The following SELENOO variants were observed in gnomAD, a reference collection of about 807,000 sequenced individuals.
SELENOO encodes protein adenylyltransferase SelO, mitochondrial.
Under a neutral mutation model 58.7 loss-of-function variants are expected in SELENOO, and 74 were observed. The ratio of observed to expected loss-of-function variants is 1.26; its 90% CI spans 1.04 to 1.53. SELENOO has a LOEUF of 1.53. SELENOO is among the 40% of genes most tolerant of loss of function. The pLI, the probability that SELENOO is intolerant of heterozygous loss-of-function variation, is 0.00. For synonymous variants in SELENOO, 543 were observed against 453.2 expected (o/e 1.20, Z -2.52); for missense variants, 1,149 against 970.0 (o/e 1.18, Z -2.45).
intron 5 of SELENOO, among the ~76,000 whole-genome samples, chr22:50,214,866 C>T (rs946063550): frequency 7.2e-5 from 11 of 152,322 alleles, no homozygotes; most frequent in Admixed American, 2.6e-4. Context: ...CCAGCCTGTT[C>T]GTGTCTTTGA....
chr22:50,216,017 G>A (rs2064407210), intron 6 of SELENOO, 150 bp downstream of exon 6: 1 of 651,740 alleles, frequency 1.5e-6, no homozygotes, highest in Non-Finnish European at 2.6e-6. Flanking sequence ...GGGCTTCAGG[G>A]CATCTCTGCG....
chr22:50,203,152 T>C (rs111929444), intron 1 of SELENOO, among the ~76,000 whole-genome samples: 6 of 152,284 alleles, frequency 3.9e-5, no homozygotes, highest in African/African-American at 1.4e-4. Context: ...GGCAGGAGGA[T>C]TGCTTAAGGC....
chr22:50,206,345 T>G lies in SELENOO; in HGVS notation c.583T>G (p.Ser195Ala). Residue 195 changes from serine (S) to alanine (A), a missense_variant, in exon 2 of 9, where the codon TCA (serine) becomes GCA (alanine). Physicochemically the swap from Ser to Ala is moderately conservative, Grantham distance 99. Coordinates refer to ENST00000380903, the MANE Select transcript of SELENOO (RefSeq NM_031454.2). ...GGCCGACGGTCGCAAGGTCCTACGG[T>G]CAAGCATCCGGGAGTTTCTATGCAG... ...RQADGRKVLRSSIREFLCSEA... is the reference protein window; with the variant it reads ...RQADGRKVLRASIREFLCSEA... 1 of 1,613,884 alleles carries G rather than the reference T, an allele frequency of 6.2e-7. No homozygotes were observed. Among genetic ancestry groups the G allele is most frequent in the Non-Finnish European group, 8.5e-7 (1 of 1,180,000 alleles).
intron 6 of SELENOO, among the ~76,000 whole-genome samples, chr22:50,216,295 C>T (rs1269707186): frequency 2.0e-5 from 3 of 152,222 alleles, no homozygotes; most frequent in South Asian, 2.1e-4. Flanking sequence ...CTGGGAGCAC[C>T]GGCCAGCAGG....
chr22:50,216,482 A>C (rs1449432522), intron 6 of SELENOO, among the ~76,000 whole-genome samples: 2 of 152,222 alleles, frequency 1.3e-5, no homozygotes, highest in Non-Finnish European at 2.9e-5. Context: ...TCGGCCCACA[A>C]AGGGCCTTGG....
rs184139976 is a variant in SELENOO, at chr22:50,215,775, G to A, written c.1410G>A (p.Ser470=). The change falls in exon 6 of 9, where the codon TCG becomes TCA. Residue 470 remains serine, a synonymous_variant. Coordinates refer to ENST00000380903, the MANE Select transcript of SELENOO (RefSeq NM_031454.2). ...LLSSFPVELE[S]PGLAEFLARL... is the part of the protein sequence containing the mutation. ...GCTCCTTCCCAGTGGAGCTAGAGTCGCCAGGCCTGGCGGAATTCCTGGCCA... is the reference window on the plus strand; with the variant it reads ...GCTCCTTCCCAGTGGAGCTAGAGTCACCAGGCCTGGCGGAATTCCTGGCCA... 2.0e-5 allele frequency: 33 copies of A among 1,611,890 alleles called. No individual in the cohort carries two copies. The highest frequency in any genetic ancestry group is 3.4e-4 in the Middle Eastern group (2 of 5,966).
chr22:50,214,346 A>T (rs2064391606), intron 5 of SELENOO, among the ~76,000 whole-genome samples: 1 of 151,638 alleles, frequency 6.6e-6, no homozygotes, highest in Non-Finnish European at 1.5e-5. Flanking sequence ...CTGGCCGGGC[A>T]TGGTGGCTCA....
intron 2 of SELENOO, among the ~76,000 whole-genome samples, chr22:50,207,937 G>A (rs2064343150): frequency 6.7e-6 from 1 of 148,464 alleles, no homozygotes; most frequent in South Asian, 2.3e-4. Context: ...GGGTGGGAGT[G>A]CAGGGGCCTT....
intron 3 of SELENOO, chr22:50,209,361 T>TG (rs1485030032): frequency 1.3e-5 from 2 of 152,574 alleles, no homozygotes; most frequent in Admixed American, 6.5e-5. Flanking sequence ...GCCACGTGGC[T>TG]GGGGGCTGTT....
intron 5 of SELENOO, among the ~76,000 whole-genome samples, chr22:50,213,347 G>A (rs893974344): frequency 1.3e-4 from 20 of 152,226 alleles, no homozygotes; most frequent in Admixed American, 2.0e-4. Context: ...ATGAGCCGCC[G>A]CGCCCAGCCA....
At chr22:50,204,930 T>C (rs950355575) in intron 1 of SELENOO, among the ~76,000 whole-genome samples, 2 of 152,256 alleles carry the variant, frequency 1.3e-5, no homozygotes, top group African/African-American at 4.8e-5. Flanking sequence ...AAGAAGATGC[T>C]GATATGCTAC....
At chr22:50,208,988 G>A (rs2064350747) in intron 3 of SELENOO, among the ~76,000 whole-genome samples, 1 of 152,194 alleles carries the variant, frequency 6.6e-6, no homozygotes, top group South Asian at 2.1e-4. Flanking sequence ...GGTGCGGGGT[G>A]GGAGCTGGCT....
chr22:50,207,216 G>A (rs1022976687), intron 2 of SELENOO, among the ~76,000 whole-genome samples: 8 of 151,926 alleles, frequency 5.3e-5, no homozygotes, highest in Admixed American at 6.6e-5. Context: ...TCCGCCTCCC[G>A]GGTTCAAGCG....
In SELENOO at chr22:50,201,187, G is replaced by T; in HGVS notation, c.151G>T (p.Asp51Tyr). The T allele has an allele frequency of 8.2e-7, 1 of 1,223,316 alleles. No homozygotes were observed. Among genetic ancestry groups the T allele is most frequent in the South Asian group, 3.3e-5 (1 of 30,150 alleles). The allele number at this position is 1,223,316 out of a possible 1,614,324, so 75.8% of individuals were successfully genotyped here. Residue 51 changes from aspartate (D) to tyrosine (Y), a missense_variant, in exon 1 of 9, where the codon GAC becomes TAC. By Grantham distance (160) the Asp-to-Tyr change is radical. Coordinates refer to ENST00000380903, the MANE Select transcript of SELENOO (RefSeq NM_031454.2). ...APRWLAGLRF[D>Y]NRALRALPVE... ...TCGCTGGCTGGCGGGGCTGCGCTTC[G>T]ACAACCGCGCCCTGCGCGCCCTGCC... is the stretch of plus-strand genomic sequence containing the variant.
chr22:50,202,165 A>G (rs1602486301), intron 1 of SELENOO, among the ~76,000 whole-genome samples: 1 of 152,192 alleles, frequency 6.6e-6, no homozygotes, highest in South Asian at 2.1e-4. Flanking sequence ...GCTCTTTTCT[A>G]CTAAACAATG....
chr22:50,214,816 T>G (rs1043090557), intron 5 of SELENOO, among the ~76,000 whole-genome samples: 1 of 152,204 alleles, frequency 6.6e-6, no homozygotes, highest in African/African-American at 2.4e-5. Context: ...TCAGCTCTCT[T>G]TAGGTTACTC....
In SELENOO at chr22:50,201,020, CG is replaced by C; in HGVS notation, c.-14del. The C allele has an allele frequency of 4.8e-6, 6 of 1,240,816 alleles. No individual in the cohort carries two copies. Among genetic ancestry groups the C allele is most frequent in the Non-Finnish European group, 6.1e-6 (6 of 991,232 alleles). The allele number at this position is 1,240,816 out of a possible 1,614,324, so 76.9% of individuals were successfully genotyped here. ...CCGGGCGGGGCAGGCTGGCTTCCGGCGGGAGCGGGGCCGCGGATGGCCGTAT... is the reference window on the plus strand; with the variant it reads ...CCGGGCGGGGCAGGCTGGCTTCCGGCGGAGCGGGGCCGCGGATGGCCGTAT... On this transcript the variant is annotated 5_prime_UTR_variant, in exon 1 of 9. Transcript: ENST00000380903.
intron 1 of SELENOO, among the ~76,000 whole-genome samples, chr22:50,205,288 T>C (rs756447865): frequency 2.6e-5 from 4 of 152,224 alleles, no homozygotes; most frequent in Non-Finnish European, 4.4e-5. Flanking sequence ...TGTACACTTA[T>C]AAATGGCTAA....
chr22:50,216,619 A>C (rs1191278296), intron 6 of SELENOO, 72 bp from the exon 7 acceptor site: 2 of 1,393,544 alleles, frequency 1.4e-6, no homozygotes, highest in African/African-American at 2.8e-5. Context: ...GGGCTGGGGC[A>C]GGCGGAGCAG....
Sources: allele counts gnomAD v4.1 joint callset (sites outside exome capture counted in the v4.1 genomes callset), GRCh38; gene constraint gnomAD v4.1.1; transcripts MANE v1.5; gene names NCBI Gene and HGNC (gene_info 2026-07-23, HGNC 2026-07-21).